Variants in CEACAM1 observed in about 807,000 individuals in gnomAD.
CEACAM1 encodes CEA cell adhesion molecule 1.
Under a neutral mutation model 49.1 loss-of-function variants are expected in CEACAM1, and 31 were observed. The observed-to-expected ratio is 0.63, with a 90% CI of 0.47 to 0.85. The LOEUF (loss-of-function observed/expected upper bound fraction) is 0.85. CEACAM1 is among the 40% of genes least tolerant of loss of function. CEACAM1 has a pLI of 0.00. For synonymous variants in CEACAM1, 244 were observed against 247.8 expected, an observed-to-expected ratio of 0.98 and a Z score of 0.14; for missense variants, 570 against 645.3, an observed-to-expected ratio of 0.88 and a Z score of 1.26.
intron 5 of CEACAM1, among the ~76,000 whole-genome samples, chr19:42,517,093 T>C (rs894453780): frequency 6.6e-6 from 1 of 152,232 alleles, no homozygotes; most frequent in Non-Finnish European, 1.5e-5. Context: ...AGGATAGTCT[T>C]TTCAACAAAT....
At chr19:42,512,940 A>G (rs2041498370) in intron 5 of CEACAM1, among the ~76,000 whole-genome samples, 1 of 152,180 alleles carries the variant, frequency 6.6e-6, no homozygotes, top group Non-Finnish European at 1.5e-5. Context: ...TGCTTGGATT[A>G]TAGGCGTGAG....
intron 4 of CEACAM1, 90 bp from the exon 5 acceptor site, chr19:42,519,325 GC>G: frequency 7.4e-7 from 1 of 1,359,222 alleles, no homozygotes; most frequent in South Asian, 1.3e-5. Flanking sequence ...TGAGATTTTA[GC>G]CAGCTCTCAG....
chr19:42,513,932 A>G (rs2041532004), intron 5 of CEACAM1, among the ~76,000 whole-genome samples: 1 of 117,222 alleles, frequency 8.5e-6, no homozygotes, highest in South Asian at 2.7e-4. Flanking sequence ...TATAAATAAT[A>G]CCTTTTGCAT....
chr19:42,522,386 T>A (rs1467067471), intron 2 of CEACAM1, among the ~76,000 whole-genome samples, 184 bp from the exon 3 acceptor site: 2 of 152,166 alleles, frequency 1.3e-5, no homozygotes. Flanking sequence ...GCAATTCTCC[T>A]GCCTCAGCTT....
At chr19:42,511,461 C>G (rs2041455106) in intron 7 of CEACAM1, 115 bp downstream of exon 7, 2 of 896,794 alleles carry the variant, frequency 2.2e-6, no homozygotes, top group Non-Finnish European at 3.7e-6. Flanking sequence ...AAATAGAGAT[C>G]CTTTCTGTGA....
chr19:42,528,407 G>A lies in CEACAM1; in HGVS notation c.-33C>T. 1 of 1,610,558 alleles carries A rather than the reference G, an allele frequency of 6.2e-7. No individual in the cohort carries two copies. The highest frequency in any genetic ancestry group is 8.5e-7 in the Non-Finnish European group (1 of 1,176,994). ...CCTGCTGGCCCTGTCTTCACCTGTG[G>A]AGGAGAGCTTGGGCTCCAGGAACGC... On this transcript the variant is annotated 5_prime_UTR_variant, in exon 1 of 9. Coordinates refer to ENST00000161559, the MANE Select transcript of CEACAM1 (RefSeq NM_001712.5).
intron 5 of CEACAM1, among the ~76,000 whole-genome samples, chr19:42,517,735 A>C (rs1296210802): frequency 6.6e-6 from 1 of 152,220 alleles, no homozygotes; most frequent in East Asian, 1.9e-4. Flanking sequence ...TGCTGGTGGG[A>C]ATGTGAAATG....
At chr19:42,517,874 A>G (rs1251771212) in intron 5 of CEACAM1, among the ~76,000 whole-genome samples, 1 of 152,220 alleles carries the variant, frequency 6.6e-6, no homozygotes, top group African/African-American at 2.4e-5. Flanking sequence ...AGATATTTGT[A>G]TACCCATGTT....
intron 2 of CEACAM1, among the ~76,000 whole-genome samples, chr19:42,523,400 T>C (rs1001593076): frequency 1.3e-5 from 2 of 152,140 alleles, no homozygotes; most frequent in African/African-American, 4.8e-5. Context: ...TGATGATGAC[T>C]GACTTGAGCC....
chr19:42,514,442 TA>T (rs1200109411), intron 5 of CEACAM1, among the ~76,000 whole-genome samples: 1 of 151,544 alleles, frequency 6.6e-6, no homozygotes, highest in African/African-American at 2.4e-5. Context: ...CCTGGCTAAT[TA>T]AAAAAAAATA....
chr19:42,527,026 T>C lies in CEACAM1; in HGVS notation c.424+15A>G. 6.3e-7 allele frequency: 1 copy of C among 1,584,484 alleles called. No homozygotes were observed. Among genetic ancestry groups the C allele is most frequent in the Non-Finnish European group, 8.6e-7 (1 of 1,166,212 alleles). On this transcript the variant is annotated intron_variant, in intron 2 of 8. Transcript: ENST00000161559. ...CTAACCCCCCAACACCCAGAGGTCATGGGGAAATACTCACGGTATACATGG... is the reference window on the plus strand; with the variant it reads ...CTAACCCCCCAACACCCAGAGGTCACGGGGAAATACTCACGGTATACATGG...
chr19:42,508,190 A>G lies in CEACAM1; in HGVS notation c.*919T>C, dbSNP rs1007988157. The G allele has an allele frequency of 6.6e-6, 1 of 152,240 alleles. No individual in the cohort carries two copies. The highest frequency in any genetic ancestry group is 1.5e-5 in the Non-Finnish European group (1 of 68,036). 9.4% of individuals were successfully genotyped at this position (152,240 alleles called of 1,614,324 possible). On this transcript the variant is annotated 3_prime_UTR_variant, in exon 9 of 9. Coordinates refer to ENST00000161559, the MANE Select transcript of CEACAM1 (RefSeq NM_001712.5). ...AAAAATTAAAATGGTGGAATGTCTC[A>G]GAGAAAAGGAGAAAAATCCCAATAC...
chr19:42,519,475 G>C (rs1240869888), intron 4 of CEACAM1: 1 of 515,120 alleles, frequency 1.9e-6, no homozygotes, highest in Non-Finnish European at 3.5e-6. Context: ...GTCTCAGAGT[G>C]ACCCTCTGGA....
At chr19:42,516,339 C>G (rs1041123207) in intron 5 of CEACAM1, among the ~76,000 whole-genome samples, 5 of 151,802 alleles carry the variant, frequency 3.3e-5, no homozygotes, top group African/African-American at 4.8e-5. Context: ...AATCCACATG[C>G]AAAAATCAGT....
chr19:42,512,780 C>G (rs1014129894), intron 5 of CEACAM1, among the ~76,000 whole-genome samples: 1 of 151,688 alleles, frequency 6.6e-6, no homozygotes, highest in Non-Finnish European at 1.5e-5. Flanking sequence ...CAGGTTCAAG[C>G]GATTCTCCTG....
intron 8 of CEACAM1, among the ~76,000 whole-genome samples, chr19:42,510,415 TTA>T (rs949607648): frequency 4.2e-5 from 4 of 96,280 alleles, no homozygotes; most frequent in African/African-American, 3.5e-4. Context: ...AAAATTATTA[TTA>T]AAAAACAGGA....
chr19:42,528,238 A>T, intron 1 of CEACAM1, 73 bp downstream of exon 1: 1 of 1,358,084 alleles, frequency 7.4e-7, no homozygotes, highest in Non-Finnish European at 1.0e-6. Context: ...TTAGAGCTCC[A>T]TCCTCCCCAG....
intron 5 of CEACAM1, chr19:42,518,642 C>T (rs1038556967): frequency 3.7e-5 from 12 of 322,220 alleles, no homozygotes; most frequent in African/African-American, 1.1e-4. Context: ...GGACTACAGG[C>T]GCCCGCCACC....
chr19:42,527,195 G>A lies in CEACAM1; in HGVS notation c.270C>T (p.Thr90=), dbSNP rs760381268. ...CTCGACCGCTGTTTGCGGGCCCTGG[G>A]GTAGCTTGTTGAGTTCCTATTGCAT... The part of the protein sequence containing the change: ...VGYAIGTQQA[T]PGPANSGRET... The change falls in exon 2 of 9, where the codon ACC becomes ACT. Residue 90 remains threonine, a synonymous_variant. Coordinates refer to ENST00000161559, the MANE Select transcript of CEACAM1 (RefSeq NM_001712.5). 6 of 1,614,026 alleles carry A rather than the reference G, an allele frequency of 3.7e-6. No individual in the cohort carries two copies. The African/African-American group carries it at 8.0e-5, about 22-fold the overall frequency.
Sources: gnomAD v4.1 joint callset for allele counts (sites outside exome capture counted in the v4.1 genomes callset) on GRCh38, gnomAD v4.1.1 for gene constraint, MANE v1.5 for transcripts, NCBI Gene and HGNC (gene_info 2026-07-23, HGNC 2026-07-21) for gene names.